Variants in MAD1L1 observed in about 807,000 individuals in gnomAD.
The protein encoded by MAD1L1 is mitotic spindle assembly checkpoint protein MAD1.
MAD1L1 carries 95 observed loss-of-function variants against 96.9 expected under a neutral mutation model. The observed-to-expected ratio is 0.98, with a 90% confidence interval of 0.83 to 1.16. The LOEUF (loss-of-function observed/expected upper bound fraction) is 1.16. MAD1L1 is among the 50% of genes most tolerant of loss of function. MAD1L1 has a pLI of 0.00. For missense variants in MAD1L1, 1,007 were observed against 954.4 expected (o/e 1.06, Z -0.73); for synonymous variants, 473 against 396.6 (o/e 1.19, Z -2.29).
At chr7:2,169,398 C>T (rs1226556054) in intron 10 of MAD1L1, among the ~76,000 whole-genome samples, 4 of 152,116 alleles carry the variant, frequency 2.6e-5, no homozygotes, top group Admixed American at 2.0e-4. Context: ...TCTATAGCCA[C>T]CTTGCTCAAC....
At chr7:2,136,477 G>A (rs762501956) in intron 11 of MAD1L1, among the ~76,000 whole-genome samples, 6 of 152,188 alleles carry the variant, frequency 3.9e-5, no homozygotes, top group Admixed American at 1.3e-4. Context: ...TCTTTGTTCC[G>A]ACTCTCTTAC....
intron 16 of MAD1L1, among the ~76,000 whole-genome samples, chr7:1,955,128 CTAAT>C (rs1404527461): frequency 3.9e-5 from 6 of 152,242 alleles, no homozygotes; most frequent in African/African-American, 1.4e-4. Flanking sequence ...CAGCTGTGAA[CTAAT>C]TACAAAAAGT....
chr7:1,855,700 C>G (rs926970561), intron 18 of MAD1L1, among the ~76,000 whole-genome samples: 36 of 152,174 alleles, frequency 2.4e-4, no homozygotes, highest in African/African-American at 8.4e-4. Context: ...CAGTGCTCCT[C>G]CCTTCCTCCT....
intron 12 of MAD1L1, among the ~76,000 whole-genome samples, chr7:2,049,536 G>C (rs545671990): frequency 1.3e-5 from 2 of 152,326 alleles, no homozygotes; most frequent in African/African-American, 4.8e-5. Flanking sequence ...TCAAAGAGGC[G>C]GTAGGAGGAA....
At chr7:1,995,043 T>C (rs3996327) in intron 14 of MAD1L1, among the ~76,000 whole-genome samples, 148,580 of 152,328 alleles carry the variant, frequency 0.98, 72,572 homozygotes, top group East Asian at 1. Context: ...AATAGACAGA[T>C]GCGCAGCCAC....
At chr7:2,024,647 G>C (rs543108136) in intron 12 of MAD1L1, among the ~76,000 whole-genome samples, 2 of 152,278 alleles carry the variant, frequency 1.3e-5, no homozygotes, top group East Asian at 1.9e-4. Context: ...GATCACTCAG[G>C]GTTTAGTGCT....
At chr7:1,836,226 T>TG (rs1273189378) in intron 18 of MAD1L1, among the ~76,000 whole-genome samples, 2 of 152,086 alleles carry the variant, frequency 1.3e-5, no homozygotes, top group African/African-American at 2.4e-5. Context: ...TTTACCATGT[T>TG]GGTCAGGCTG....
chr7:2,175,212 G>C (rs1026518446), intron 10 of MAD1L1: 1 of 152,106 alleles, frequency 6.6e-6, no homozygotes, highest in Non-Finnish European at 1.5e-5. Context: ...TGCCCGCCCC[G>C]GCTGCACTGG....
intron 1 of MAD1L1, among the ~76,000 whole-genome samples, chr7:2,231,743 GTAC>G (rs899425299): frequency 1.3e-5 from 2 of 152,064 alleles, no homozygotes; most frequent in Non-Finnish European, 2.9e-5. Flanking sequence ...ACATTAATAA[GTAC>G]TACTACTATT....
chr7:2,093,114 A>G (rs56409553), intron 11 of MAD1L1, among the ~76,000 whole-genome samples: 42,404 of 151,468 alleles, frequency 0.28, 6,020 homozygotes, highest in Middle Eastern at 0.39. Flanking sequence ...GGATGGTGGC[A>G]CAAACCTGTA....
chr7:1,936,602 C>A, intron 17 of MAD1L1, 85 bp downstream of exon 17: 2 of 1,352,082 alleles, frequency 1.5e-6, no homozygotes, highest in Non-Finnish European at 2.0e-6. Flanking sequence ...CAGGCAGGGG[C>A]GCCTGAGGCT....
intron 17 of MAD1L1, among the ~76,000 whole-genome samples, chr7:1,916,540 C>G (rs1583775643): frequency 1.3e-5 from 2 of 152,166 alleles, no homozygotes; most frequent in South Asian, 4.1e-4. Context: ...GCGGGGGAGG[C>G]GGGGACACAC....
At chr7:1,870,803 A>G in intron 18 of MAD1L1, among the ~76,000 whole-genome samples, 1 of 92,718 alleles carries the variant, frequency 1.1e-5, no homozygotes, top group African/African-American at 5.5e-5. Context: ...AACCCAACAT[A>G]TGCCTGCCAC....
At chr7:2,188,103 A>G (rs890559914) in intron 10 of MAD1L1, among the ~76,000 whole-genome samples, 1 of 152,270 alleles carries the variant, frequency 6.6e-6, no homozygotes, top group Admixed American at 6.5e-5. Flanking sequence ...TCAAATGAGC[A>G]ATGTATGATG....
intron 11 of MAD1L1, among the ~76,000 whole-genome samples, chr7:2,133,315 C>T (rs1048384652): frequency 2.6e-5 from 4 of 151,888 alleles, no homozygotes; most frequent in South Asian, 2.1e-4. Flanking sequence ...TGAGCATCTC[C>T]GCACGTGCTT....
intron 14 of MAD1L1, among the ~76,000 whole-genome samples, chr7:1,983,937 T>G (rs1270571878): frequency 6.6e-6 from 1 of 152,252 alleles, no homozygotes; most frequent in Non-Finnish European, 1.5e-5. Context: ...AACTTCTGCT[T>G]TGATCTTTAC....
At chr7:2,125,711 T>C (rs1028785827) in intron 11 of MAD1L1, among the ~76,000 whole-genome samples, 1 of 152,238 alleles carries the variant, frequency 6.6e-6, no homozygotes. Context: ...GCAGCACGAG[T>C]GCTCCAGAAA....
At chr7:2,034,670 C>G (rs1402140916) in intron 12 of MAD1L1, among the ~76,000 whole-genome samples, 2 of 152,232 alleles carry the variant, frequency 1.3e-5, no homozygotes, top group African/African-American at 4.8e-5. Flanking sequence ...ACAGCAGTCC[C>G]CACACTCGGC....
At chr7:2,058,960 A>G (rs1350344112) in intron 12 of MAD1L1, among the ~76,000 whole-genome samples, 15 of 25,982 alleles carry the variant, frequency 5.8e-4, no homozygotes, top group Admixed American at 9.4e-4. Context: ...GCGCGGGGCT[A>G]GAGTGGGAGT....
Sources: gnomAD v4.1 joint callset for allele counts (sites outside exome capture counted in the v4.1 genomes callset) on GRCh38, gnomAD v4.1.1 for gene constraint, MANE v1.5 for transcripts, NCBI Gene and HGNC (gene_info 2026-07-23, HGNC 2026-07-21) for gene names.